Variants in LRIG1 observed in about 807,000 individuals in gnomAD.
LRIG1 encodes the protein leucine-rich repeats and immunoglobulin-like domains protein 1.
LRIG1 carries 48 observed loss-of-function variants against 99.2 expected under a neutral mutation model. The ratio of observed to expected loss-of-function variants is 0.48; its 90% CI spans 0.38 to 0.62. The LOEUF (loss-of-function observed/expected upper bound fraction) is 0.62. Among genes scored for constraint, LRIG1 ranks in the 20% least tolerant of loss-of-function variants. The pLI is 0.00. For synonymous variants in LRIG1, 772 were observed against 596.1 expected, an observed-to-expected ratio of 1.29 and a Z score of -4.30; for missense variants, 1,646 against 1,434.4, an observed-to-expected ratio of 1.15 and a Z score of -2.38.
intron 13 of LRIG1, among the ~76,000 whole-genome samples, chr3:66,385,721 G>A (rs975154254): frequency 2.0e-5 from 3 of 152,102 alleles, no homozygotes; most frequent in African/African-American, 4.8e-5. Context: ...CCAACTGCTG[G>A]GATTACAGGC....
chr3:66,411,771 T>C lies in LRIG1; in HGVS notation c.791+1100A>G, dbSNP rs560231108. 6.6e-5 allele frequency among the ~76,000 whole-genome samples: 10 copies of C among 152,248 alleles called. No individual in the cohort carries two copies. In the East Asian group the frequency reaches 7.7e-4, roughly 12 times the overall value. On this transcript the variant is annotated intron_variant, in intron 6 of 18. Transcript: ENST00000273261. ...GGGCGGACATGAGCAAGTTAAATCA[T>C]TGACTCTCAAGGAGGAAATCGCAAG...
chr3:66,415,894 C>T (rs1312060895), intron 4 of LRIG1, among the ~76,000 whole-genome samples: 1 of 152,154 alleles, frequency 6.6e-6, no homozygotes, highest in Non-Finnish European at 1.5e-5. Flanking sequence ...CTTTTTCTGG[C>T]CTAAGTGAAA....
At chr3:66,481,694 A>G (rs1700855340) in intron 1 of LRIG1, among the ~76,000 whole-genome samples, 1 of 152,222 alleles carries the variant, frequency 6.6e-6, no homozygotes, top group African/African-American at 2.4e-5. Context: ...ATTACTCCTT[A>G]CCTTTAAAAC....
intron 1 of LRIG1, among the ~76,000 whole-genome samples, chr3:66,469,992 G>A (rs1700560562): frequency 6.6e-6 from 1 of 151,804 alleles, no homozygotes; most frequent in Admixed American, 6.6e-5. Context: ...TGGTAGATCA[G>A]TAGCTACAAA....
chr3:66,415,285 G>C (rs146534948), intron 4 of LRIG1, among the ~76,000 whole-genome samples: 89 of 152,302 alleles, frequency 5.8e-4, no homozygotes, highest in African/African-American at 2.0e-3. Context: ...GGCCGATTTA[G>C]TCGAAAGCAT....
At position 66,380,006 on chromosome 3, in the gene LRIG1, GC is replaced by G; in HGVS notation, c.*256del. 1 of 294,300 alleles carries G rather than the reference GC, an allele frequency of 3.4e-6. No individual in the cohort carries two copies. The highest frequency in any genetic ancestry group is 6.3e-6 in the Non-Finnish European group (1 of 159,346). The allele number at this position is 294,300 out of a possible 1,614,324, so 18.2% of individuals were successfully genotyped here. ...TAACCATGCACTAAAGATTAAAATAGCCTCTGTAAAAGATATATATGAAATC... is the reference window on the plus strand; with the variant it reads ...TAACCATGCACTAAAGATTAAAATAGCTCTGTAAAAGATATATATGAAATC... On this transcript the variant is annotated 3_prime_UTR_variant, in exon 19 of 19. Transcript: ENST00000273261.
chr3:66,459,528 G>C (rs995487131), intron 2 of LRIG1, among the ~76,000 whole-genome samples: 1 of 152,170 alleles, frequency 6.6e-6, no homozygotes, highest in Non-Finnish European at 1.5e-5. Context: ...TGCTCACTCA[G>C]GACCTTCCTG....
chr3:66,451,782 GT>G, intron 2 of LRIG1, 149 bp from the exon 3 acceptor site: 1 of 616,366 alleles, frequency 1.6e-6, no homozygotes, highest in African/African-American at 1.9e-5. Context: ...TTAGCAGTGA[GT>G]TTTTAAAGGG....
chr3:66,410,392 C>T (rs1481933876), intron 6 of LRIG1, 120 bp from the exon 7 acceptor site: 16 of 937,882 alleles, frequency 1.7e-5, no homozygotes, highest in African/African-American at 3.3e-5. Flanking sequence ...GAACAGTGCA[C>T]GACAGAACTG....
intron 1 of LRIG1, among the ~76,000 whole-genome samples, chr3:66,470,570 C>G (rs1425955692): frequency 6.6e-6 from 1 of 152,182 alleles, no homozygotes; most frequent in Non-Finnish European, 1.5e-5. Flanking sequence ...CTGCCAGACC[C>G]ACAACCCACC....
In LRIG1 at chr3:66,386,110, C is replaced by T. The variant is rs1054086085; in HGVS notation, c.1660G>A (p.Glu554Lys). 7 of 1,614,192 alleles carry T rather than the reference C, an allele frequency of 4.3e-6. 1 individual carries two copies. The South Asian group carries it at 4.4e-5, about 10-fold the overall frequency. ...NFVHVHAQDG[E>K]VMEYTTILHL... ...AGGATGGTGGTGTACTCCATCACTT[C>T]CCCGTCCTGCGCGTGGACGTGGACA... Residue 554 changes from glutamate (E) to lysine (K), a missense_variant, in exon 13 of 19, where the codon GAA becomes AAA. Coordinates refer to ENST00000273261, the MANE Select transcript of LRIG1 (RefSeq NM_015541.3).
intron 8 of LRIG1, chr3:66,406,079 G>C (rs1401236952): frequency 4.1e-6 from 4 of 986,032 alleles, no homozygotes; most frequent in Non-Finnish European, 4.8e-6. Context: ...ACACAGGCCA[G>C]GGAGAGAAAA....
At chr3:66,427,350 G>A (rs1231476243) in intron 3 of LRIG1, among the ~76,000 whole-genome samples, 4 of 152,260 alleles carry the variant, frequency 2.6e-5, no homozygotes, top group South Asian at 2.1e-4. Context: ...CACAATGTGA[G>A]ACTATCTGAG....
Position 66,414,946 on chromosome 3 carries a change from T to C in LRIG1, c.621A>G (p.Ala207=), listed in dbSNP as rs1575673042. 3 of 1,609,870 alleles carry C rather than the reference T, an allele frequency of 1.9e-6. No individual in the cohort carries two copies. The highest frequency in any genetic ancestry group is 1.7e-5 in the Admixed American group (1 of 59,214). Residue 207 remains alanine (A), a synonymous_variant, in exon 5 of 19, where the codon GCA becomes GCG. Coordinates refer to ENST00000273261, the MANE Select transcript of LRIG1 (RefSeq NM_015541.3). ...GTTGTGTCAGCCTGGGTAGCTTGAA[T>C]GCTCTTACAGGAAGCTGGGTGATCC... The part of the protein sequence containing the change: ...KNRITQLPVR[A]FKLPRLTQLD...
chr3:66,381,088 C>T (rs925237326), intron 17 of LRIG1: 2 of 596,668 alleles, frequency 3.4e-6, no homozygotes, highest in Non-Finnish European at 5.9e-6. Flanking sequence ...ATTTCATAGA[C>T]AATGTAGTCT....
At chr3:66,439,984 A>G (rs953834181) in intron 3 of LRIG1, among the ~76,000 whole-genome samples, 6 of 152,084 alleles carry the variant, frequency 3.9e-5, no homozygotes, top group African/African-American at 1.5e-4. Context: ...GCCAGCCTCA[A>G]TATTTATTTC....
rs1371237512 is a variant in LRIG1, at chr3:66,500,282, C to T, written c.126G>A (p.Ala42=). 4.7e-6 allele frequency: 7 copies of T among 1,480,124 alleles called. No individual in the cohort carries two copies. The highest frequency in any genetic ancestry group is 6.2e-6 in the Non-Finnish European group (7 of 1,121,774). The allele number at this position is 1,480,124 out of a possible 1,614,324, so 91.7% of individuals were successfully genotyped here. ...AGTCCCCAGCGCAAGTGCAGGCGGCCGCGCAGGGCGCCCGCGGGCCGGCCG... is the reference window on the plus strand; with the variant it reads ...AGTCCCCAGCGCAAGTGCAGGCGGCTGCGCAGGGCGCCCGCGGGCCGGCCG... The part of the protein sequence containing the change: ...TAAAGPRAPC[A]AACTCAGDSL... The change falls in exon 1 of 19, where the codon GCG becomes GCA. Residue 42 remains alanine (A), a synonymous_variant. Transcript: ENST00000273261.
chr3:66,381,515 C>CTT lies in LRIG1; in HGVS notation c.2733_2734insAA (p.Glu912LysfsTer94). Reference sequence around the variant, plus strand: ...GGCCCAGGTGTCCCTTCAGCTTTCTCCATCGCTTTCCACGGCTCTTTGTGA... The same window carrying CTT: ...GGCCCAGGTGTCCCTTCAGCTTTCTCTTCATCGCTTTCCACGGCTCTTTGTGA... On this transcript the variant is annotated frameshift_variant, in exon 17 of 19. Transcript: ENST00000273261. LOFTEE classifies it high-confidence loss of function. 1 of 1,614,050 alleles carries CTT rather than the reference C, an allele frequency of 6.2e-7. No individual in the cohort carries two copies. The highest frequency in any genetic ancestry group is 8.5e-7 in the Non-Finnish European group (1 of 1,179,918).
In LRIG1 at chr3:66,384,210, G is replaced by A; in HGVS notation, c.1852C>T (p.Leu618Phe). The A allele has an allele frequency of 6.2e-7, 1 of 1,614,122 alleles. No individual in the cohort carries two copies. The highest frequency in any genetic ancestry group is 8.5e-7 in the Non-Finnish European group (1 of 1,179,986). ...GGGTGACCTGTGGCAGCACATTCGA[G>A]GCGGGCCATGGTGGTGGTCCGGATG... The part of the protein sequence containing the change: ...ITIRTTTMAR[L>F]ECAATGHPNP... Residue 618 changes from leucine to phenylalanine, a missense_variant, in exon 14 of 19, where the codon CTC (leucine) becomes TTC (phenylalanine). Transcript: ENST00000273261.
Sources: gnomAD v4.1 joint callset for allele counts (sites outside exome capture counted in the v4.1 genomes callset) on GRCh38, gnomAD v4.1.1 for gene constraint, MANE v1.5 for transcripts, NCBI Gene and HGNC (gene_info 2026-07-23, HGNC 2026-07-21) for gene names.